The following FOXN3 variants were observed in gnomAD, a reference collection of about 807,000 sequenced individuals.
FOXN3 encodes the protein forkhead box N3.
FOXN3 carries 7 observed loss-of-function variants against 38.4 expected under a neutral mutation model. The observed-to-expected ratio is 0.18, with a 90% CI of 0.10 to 0.34. FOXN3 has a LOEUF of 0.34. Ranked by LOEUF, FOXN3 falls within the 10% of genes least tolerant of loss-of-function variation. FOXN3 has a pLI of 1.00. For missense variants in FOXN3, 456 were observed against 613.4 expected, an observed-to-expected ratio of 0.74 and a Z score of 2.71; for synonymous variants, 230 against 242.2, an observed-to-expected ratio of 0.95 and a Z score of 0.47.
chr14:89,214,298 T>G (rs1369269086), intron 4 of FOXN3, among the ~76,000 whole-genome samples: 2 of 152,222 alleles, frequency 1.3e-5, no homozygotes, highest in African/African-American at 4.8e-5. Flanking sequence ...AGGACCAGGT[T>G]TGTACGTGCA....
At chr14:89,411,141 T>C (rs985219936) in intron 2 of FOXN3, among the ~76,000 whole-genome samples, 1 of 152,208 alleles carries the variant, frequency 6.6e-6, no homozygotes, top group Non-Finnish European at 1.5e-5. Flanking sequence ...GAACTGTGTA[T>C]GCAACGGATC....
In FOXN3 at chr14:89,430,640, C is replaced by T. The variant is rs1294608527; in HGVS notation, c.-14-18150G>A. ...CTTAGTATCTATTTTGAAGACATCG[C>T]GAGAGTTAAGAGTCTCAAATCTGTT... On this transcript the variant is annotated intron_variant, in intron 1 of 6. Transcript: ENST00000345097. Among the ~76,000 whole-genome samples the T allele has an allele frequency of 2.6e-5, 4 of 152,116 alleles. No individual in the cohort carries two copies. In the South Asian group the frequency reaches 6.2e-4, roughly 24 times the overall value.
At chr14:89,375,767 T>C (rs190066437) in intron 2 of FOXN3, among the ~76,000 whole-genome samples, 5 of 152,222 alleles carry the variant, frequency 3.3e-5, no homozygotes, top group Admixed American at 2.0e-4. Context: ...CGGTTTATCT[T>C]ATTTTATTTT....
At chr14:89,456,695 G>T (rs1203858003) in intron 1 of FOXN3, among the ~76,000 whole-genome samples, 1 of 152,216 alleles carries the variant, frequency 6.6e-6, no homozygotes, top group African/African-American at 2.4e-5. Flanking sequence ...AGCAGAGGTT[G>T]CAGTGAGCCA....
Position 89,256,473 on chromosome 14 carries a change from G to A in FOXN3, c.745+24477C>T, listed in dbSNP as rs559483281. 1.0e-3 allele frequency among the ~76,000 whole-genome samples: 159 copies of A among 152,146 alleles called. 1 individual carries two copies. Among genetic ancestry groups the A allele is most frequent in the Non-Finnish European group, 2.0e-3 (138 of 68,040 alleles). On this transcript the variant is annotated intron_variant, in intron 4 of 5. Coordinates refer to ENST00000557258, the MANE Select transcript of FOXN3 (RefSeq NM_005197.4). ...ACAGGCTGGGTGGACGTCTATTTTGGTCACACAGCTGCAAACATATGATTT... is the reference window on the plus strand; with the variant it reads ...ACAGGCTGGGTGGACGTCTATTTTGATCACACAGCTGCAAACATATGATTT...
At chr14:89,505,674 T>A (rs948275004) in intron 1 of FOXN3, among the ~76,000 whole-genome samples, 1 of 152,052 alleles carries the variant, frequency 6.6e-6, no homozygotes, top group South Asian at 2.1e-4. Flanking sequence ...GTGCCGAGAT[T>A]GCAGCCTCTG....
In FOXN3 at chr14:89,354,526, C is replaced by T. The variant is rs531014387; in HGVS notation, c.544-3718G>A. 1.5e-4 allele frequency among the ~76,000 whole-genome samples: 22 copies of T among 144,506 alleles called. No individual in the cohort carries two copies. The East Asian group carries it at 2.3e-3, about 15-fold the overall frequency. The allele number at this position is 144,506 out of a possible 152,430, so 94.8% of individuals were successfully genotyped here. ...ACAGGCGTGAGCCACTGCGCCCGGC[C>T]GTGGAGTGCTTTTTATTAAAAAAAA... On this transcript the variant is annotated intron_variant, in intron 2 of 5. Transcript: ENST00000557258.
chr14:89,396,260 T>C (rs941374988), intron 2 of FOXN3, among the ~76,000 whole-genome samples: 4 of 152,134 alleles, frequency 2.6e-5, no homozygotes, highest in African/African-American at 9.7e-5. Flanking sequence ...AAATCCCACA[T>C]AAATAACACC....
At position 89,156,539 on chromosome 14, in the gene FOXN3, G is replaced by A. The variant is rs770891754; in HGVS notation, c.*5875C>T. On this transcript the variant is annotated 3_prime_UTR_variant, in exon 6 of 6. Coordinates refer to ENST00000557258, the MANE Select transcript of FOXN3 (RefSeq NM_005197.4). Reference sequence around the variant, plus strand: ...TGGCTTTTGAAAAATTATTACTCTCGTAAATTAATTTGGCCGTGTAGGTCT... The same window carrying A: ...TGGCTTTTGAAAAATTATTACTCTCATAAATTAATTTGGCCGTGTAGGTCT... 1 of 152,038 alleles carries A rather than the reference G, an allele frequency of 6.6e-6. No homozygotes were observed. Among genetic ancestry groups the A allele is most frequent in the African/African-American group, 2.4e-5 (1 of 41,290 alleles). The allele number at this position is 152,038 out of a possible 1,614,324, so 9.4% of individuals were successfully genotyped here.
intron 1 of FOXN3, among the ~76,000 whole-genome samples, chr14:89,455,617 G>GTC (rs1892706497): frequency 6.6e-6 from 1 of 152,118 alleles, no homozygotes; most frequent in Non-Finnish European, 1.5e-5. Context: ...GTAGCAGGCA[G>GTC]TCTCTTTGCA....
chr14:89,319,315 C>T (rs1167398530), intron 3 of FOXN3, among the ~76,000 whole-genome samples: 1 of 152,062 alleles, frequency 6.6e-6, no homozygotes. Context: ...GCACAAATAG[C>T]AGAGGGAAAA....
At position 89,162,810 on chromosome 14, in the gene FOXN3, G is replaced by C; in HGVS notation, c.1011C>G (p.Ser337=). Residue 337 remains serine, a synonymous_variant, in exon 6 of 6, where the codon TCC becomes TCG. Transcript: ENST00000557258. This position sits in a 1 kb window ranked among gnomAD's most constrained non-coding sequence, Gnocchi z 7.2. ...SPTSDSISSS[S]SSADDHYEFA... is the part of the protein sequence containing the mutation. ...ACTCATAGTGGTCGTCGGCTGAGGA[G>C]GAGGAGGAGGAGATGGAGTCGCTGG... The C allele has an allele frequency of 6.8e-6, 11 of 1,611,766 alleles. No homozygotes were observed. Among genetic ancestry groups the C allele is most frequent in the Non-Finnish European group, 9.3e-6 (11 of 1,179,442 alleles).
At chr14:89,421,526 A>G (rs1361761846), upstream of FOXN3, among the ~76,000 whole-genome samples, 1 of 51,448 alleles carries the variant, frequency 1.9e-5, no homozygotes, top group East Asian at 3.6e-4. Flanking sequence ...CCACCCAGGG[A>G]AATTTTTTTT....
chr14:89,444,131 GGAGA>G (rs1337838368), intron 1 of FOXN3, among the ~76,000 whole-genome samples: 1 of 151,892 alleles, frequency 6.6e-6, no homozygotes, highest in Non-Finnish European at 1.5e-5. Context: ...AGAGAAGATG[GGAGA>G]GAGAGGTGGA....
chr14:89,273,722 G>A (rs745393908), intron 4 of FOXN3, among the ~76,000 whole-genome samples: 2 of 152,196 alleles, frequency 1.3e-5, no homozygotes, highest in Non-Finnish European at 2.9e-5. Flanking sequence ...CAGCAGCCCT[G>A]TAAATTCACC....
At chr14:89,594,051 T>G (rs2139930231) in intron 1 of FOXN3, among the ~76,000 whole-genome samples, 1 of 152,376 alleles carries the variant, frequency 6.6e-6, no homozygotes, top group East Asian at 1.9e-4. Context: ...ATGTCACTTT[T>G]CACATATACC....
At chr14:89,542,029 C>A (rs940470375) in intron 1 of FOXN3, among the ~76,000 whole-genome samples, 2 of 151,848 alleles carry the variant, frequency 1.3e-5, no homozygotes, top group Non-Finnish European at 2.9e-5. Flanking sequence ...AGGGCGAGTC[C>A]GAAGTGCAAA....
At position 89,573,701 on chromosome 14, in the gene FOXN3, C is replaced by T. The variant is rs114657429; in HGVS notation, c.-15+45327G>A. Among the ~76,000 whole-genome samples the T allele has an allele frequency of 5.5e-3, 835 of 152,286 alleles. 6 individuals are homozygous for T. The highest frequency in any genetic ancestry group is 0.019 in the African/African-American group (800 of 41,562). Reference sequence around the variant, plus strand: ...CCAGGCCAAGCAACATGCCAGATAACACATATACAAGTACTGGGGACAACA... The same window carrying T: ...CCAGGCCAAGCAACATGCCAGATAATACATATACAAGTACTGGGGACAACA... On this transcript the variant is annotated intron_variant, in intron 1 of 6. Coordinates refer to the FOXN3 transcript ENST00000345097.
chr14:89,367,723 T>C (rs907494787), intron 2 of FOXN3, among the ~76,000 whole-genome samples: 5 of 152,084 alleles, frequency 3.3e-5, no homozygotes, highest in Non-Finnish European at 5.9e-5. Context: ...AAAGACCAAC[T>C]GACCTGGCCC....
Sources: allele counts gnomAD v4.1 joint callset (sites outside exome capture counted in the v4.1 genomes callset), GRCh38; gene constraint gnomAD v4.1.1; non-coding constraint Gnocchi (gnomAD v3.1); transcripts MANE v1.5; gene names NCBI Gene and HGNC (gene_info 2026-07-23, HGNC 2026-07-21).